Variants in STX8 observed in about 807,000 individuals in gnomAD.
STX8 encodes the protein syntaxin-8.
Under a neutral mutation model 37.5 loss-of-function variants are expected in STX8, and 23 were observed. That is an observed-to-expected ratio of 0.61 (90% CI 0.44 to 0.87). STX8 has a LOEUF of 0.87. Ranked by LOEUF, STX8 falls within the 40% of genes least tolerant of loss-of-function variation. The pLI is 0.00. For missense variants in STX8, 313 were observed against 284.7 expected (o/e 1.10, Z -0.71); for synonymous variants, 115 against 99.1 (o/e 1.16, Z -0.95).
intron 6 of STX8, among the ~76,000 whole-genome samples, chr17:9,477,310 G>C (rs1380017586): frequency 6.6e-6 from 1 of 152,078 alleles, no homozygotes; most frequent in Non-Finnish European, 1.5e-5. Context: ...TTTGAATTTG[G>C]GGGGTGACAT....
intron 6 of STX8, among the ~76,000 whole-genome samples, chr17:9,430,788 T>C (rs1913933848): frequency 6.6e-6 from 1 of 151,988 alleles, no homozygotes; most frequent in Non-Finnish European, 1.5e-5. Flanking sequence ...TAGCTGGGAC[T>C]ACAGGCGACC....
chr17:9,491,785 T>C (rs760257586), intron 6 of STX8, 44 bp downstream of exon 6: 1 of 1,520,522 alleles, frequency 6.6e-7, no homozygotes, highest in Non-Finnish European at 9.1e-7. Flanking sequence ...GCCTTTAGTA[T>C]TTATGTCAAC....
chr17:9,433,087 A>G (rs1311816296), intron 6 of STX8, among the ~76,000 whole-genome samples: 1 of 152,230 alleles, frequency 6.6e-6, no homozygotes, highest in African/African-American at 2.4e-5. Context: ...CTAGTCCTCT[A>G]CAAAACCACA....
At chr17:9,390,288 G>C (rs1912167209) in intron 6 of STX8, among the ~76,000 whole-genome samples, 1 of 152,062 alleles carries the variant, frequency 6.6e-6, no homozygotes, top group Non-Finnish European at 1.5e-5. Flanking sequence ...TTGGGAGGCT[G>C]AGGTGGGCGG....
At chr17:9,501,549 G>T (rs1466167350) in intron 5 of STX8, among the ~76,000 whole-genome samples, 2 of 151,884 alleles carry the variant, frequency 1.3e-5, no homozygotes, top group East Asian at 3.9e-4. Context: ...AAATTAGCTG[G>T]GCATGGTGGT....
chr17:9,319,335 C>T (rs189666800), intron 7 of STX8, among the ~76,000 whole-genome samples: 22 of 152,212 alleles, frequency 1.4e-4, no homozygotes, highest in Non-Finnish European at 2.8e-4. Context: ...AGAAGAATGG[C>T]GTGAACCTGG....
Position 9,313,122 on chromosome 17 carries a change from C to G in STX8, c.644-62477G>C, listed in dbSNP as rs539343903. 8.6e-5 allele frequency among the ~76,000 whole-genome samples: 13 copies of G among 151,772 alleles called. No individual in the cohort carries two copies. The South Asian group carries it at 2.3e-3, about 27-fold the overall frequency. On this transcript the variant is annotated intron_variant, in intron 7 of 7. Transcript: ENST00000306357. ...AGGAGAATCACTTCAATCTGGGAGG[C>G]GGAGGTTATGGTGAGCCGAGATCAC... is the stretch of plus-strand genomic sequence containing the variant.
intron 6 of STX8, among the ~76,000 whole-genome samples, chr17:9,423,045 G>A (rs9903924): frequency 0.46 from 70,436 of 152,032 alleles, 17,212 homozygotes; most frequent in East Asian, 0.62. Context: ...GCAAAAGCAT[G>A]CAATGCATGT....
At chr17:9,545,885 G>C (rs561051014) in intron 3 of STX8, among the ~76,000 whole-genome samples, 1 of 152,172 alleles carries the variant, frequency 6.6e-6, no homozygotes, top group African/African-American at 2.4e-5. Flanking sequence ...CCCAGCCCCA[G>C]TGACCAAATT....
At chr17:9,539,599 G>A (rs769474366) in intron 4 of STX8, among the ~76,000 whole-genome samples, 1 of 152,034 alleles carries the variant, frequency 6.6e-6, no homozygotes, top group Non-Finnish European at 1.5e-5. Context: ...CATGCTTCTG[G>A]AAGTCATGAA....
chr17:9,350,579 C>T lies in STX8; in HGVS notation c.643+27973G>A, dbSNP rs180955771. Among the ~76,000 whole-genome samples, 696 of 152,210 alleles carry T rather than the reference C, an allele frequency of 4.6e-3. 7 individuals are homozygous for T. The highest frequency in any genetic ancestry group is 0.016 in the African/African-American group (652 of 41,518). ...TGAGACGGAGTCTCTGTTGCCCAGG[C>T]TGGAGTGCAGTGGCACGATCTCGGC... On this transcript the variant is annotated intron_variant, in intron 7 of 7. Transcript: ENST00000306357.
chr17:9,451,055 T>A (rs1349447734), intron 6 of STX8, among the ~76,000 whole-genome samples: 1 of 151,528 alleles, frequency 6.6e-6, no homozygotes, highest in Non-Finnish European at 1.5e-5. Flanking sequence ...CTTAAAGCAA[T>A]GGTGCTTACA....
chr17:9,306,438 G>A (rs762103304), intron 7 of STX8, among the ~76,000 whole-genome samples: 2 of 92,290 alleles, frequency 2.2e-5, no homozygotes, highest in Non-Finnish European at 4.2e-5. Context: ...GGTGATTGAA[G>A]TAAATACTCA....
chr17:9,449,332 G>A (rs1193049849), intron 6 of STX8, among the ~76,000 whole-genome samples: 1 of 152,314 alleles, frequency 6.6e-6, no homozygotes, highest in Non-Finnish European at 1.5e-5. Context: ...AGGCCAAGGC[G>A]AGCGGATCAC....
At chr17:9,484,802 G>A (rs1906513508) in intron 6 of STX8, among the ~76,000 whole-genome samples, 1 of 152,154 alleles carries the variant, frequency 6.6e-6, no homozygotes, top group Non-Finnish European at 1.5e-5. Context: ...ACTCCAGCCT[G>A]GGTGACAGAG....
chr17:9,482,222 T>C (rs1399405406), intron 6 of STX8, among the ~76,000 whole-genome samples: 8 of 152,162 alleles, frequency 5.3e-5, no homozygotes, highest in Non-Finnish European at 1.2e-4. Context: ...TTTCTCAAAC[T>C]TCAGCATTTC....
intron 6 of STX8, among the ~76,000 whole-genome samples, chr17:9,484,857 C>A (rs1262876795): frequency 2.0e-5 from 3 of 151,948 alleles, no homozygotes; most frequent in Non-Finnish European, 4.4e-5. Context: ...AGGCCAGGCC[C>A]AGCATTCTGG....
intron 7 of STX8, among the ~76,000 whole-genome samples, chr17:9,316,558 C>T (rs947055128): frequency 1.4e-4 from 22 of 152,160 alleles, no homozygotes; most frequent in African/African-American, 4.1e-4. Flanking sequence ...GGCGGTACTG[C>T]GAGGGTGGCA....
intron 4 of STX8, 61 bp from the exon 5 acceptor site, chr17:9,505,223 T>C (rs758709468): frequency 1.3e-4 from 197 of 1,560,560 alleles, no homozygotes; most frequent in Non-Finnish European, 1.7e-4. Context: ...TGCAAATTAC[T>C]CCCACAAGTG....
Sources: allele counts gnomAD v4.1 joint callset (sites outside exome capture counted in the v4.1 genomes callset), GRCh38; gene constraint gnomAD v4.1.1; transcripts MANE v1.5; gene names NCBI Gene and HGNC (gene_info 2026-07-23, HGNC 2026-07-21).